Variants in CNTNAP2 observed in about 807,000 individuals in gnomAD.
The protein encoded by CNTNAP2 is contactin-associated protein-like 2.
A neutral mutation model predicts 155.2 loss-of-function variants in CNTNAP2; 98 were observed. That is an observed-to-expected ratio of 0.63 (90% CI 0.54 to 0.75). The LOEUF is 0.75. Among genes scored for constraint, CNTNAP2 ranks in the 30% least tolerant of loss-of-function variants. The probability of loss-of-function intolerance (pLI) is 0.00; values close to 1 mark genes in which losing one functional copy is unlikely to be tolerated. For missense variants in CNTNAP2, 1,727 were observed against 1,688.1 expected (o/e 1.02, Z -0.40); for synonymous variants, 651 against 631.2 (o/e 1.03, Z -0.47).
chr7:147,485,076 T>A lies in CNTNAP2; in HGVS notation c.1671-859T>A, dbSNP rs569209180. On this transcript the variant is annotated intron_variant, in intron 10 of 23. Coordinates refer to ENST00000361727, the MANE Select transcript of CNTNAP2 (RefSeq NM_014141.6). ...TTTGTGCCATTGAAACAGGGGTGTT[T>A]CAGGACAAATTTCAGCCTCACAATT... Among the ~76,000 whole-genome samples, 3 of 152,252 alleles carry A rather than the reference T, an allele frequency of 2.0e-5. No individual in the cohort carries two copies. In the East Asian group the frequency reaches 5.8e-4, roughly 29 times the overall value.
chr7:147,188,929 A>G (rs1196039135), intron 8 of CNTNAP2, among the ~76,000 whole-genome samples: 2 of 152,196 alleles, frequency 1.3e-5, no homozygotes, highest in Non-Finnish European at 2.9e-5. Context: ...AATTACCAGA[A>G]GCATTGTGTT....
chr7:147,146,221 G>C (rs1319902911), intron 8 of CNTNAP2: 2 of 152,572 alleles, frequency 1.3e-5, no homozygotes, highest in Admixed American at 6.5e-5. Flanking sequence ...GGCTCATTCT[G>C]CACTTTCTTG....
chr7:146,817,347 C>G (rs374246275), intron 2 of CNTNAP2, among the ~76,000 whole-genome samples: 11 of 152,072 alleles, frequency 7.2e-5, no homozygotes, highest in African/African-American at 2.4e-4. Flanking sequence ...TGGCACATGC[C>G]TGTAATCCCA....
chr7:147,314,366 T>A (rs910481333), intron 9 of CNTNAP2, among the ~76,000 whole-genome samples: 1 of 152,056 alleles, frequency 6.6e-6, no homozygotes, highest in African/African-American at 2.4e-5. Flanking sequence ...ATCAAAAAAA[T>A]CCCCAAGCCT....
At chr7:146,344,646 T>C (rs1158788893) in intron 1 of CNTNAP2, among the ~76,000 whole-genome samples, 1 of 152,088 alleles carries the variant, frequency 6.6e-6, no homozygotes, top group Non-Finnish European at 1.5e-5. Context: ...GCCCTGCTAA[T>C]TTTCATATTT....
At chr7:148,206,169 A>G (rs1056831604) in intron 18 of CNTNAP2, among the ~76,000 whole-genome samples, 1 of 149,444 alleles carries the variant, frequency 6.7e-6, no homozygotes, top group Non-Finnish European at 1.5e-5. Flanking sequence ...CCTGACTCCA[A>G]CTTGCTCTCA....
intron 21 of CNTNAP2, among the ~76,000 whole-genome samples, chr7:148,362,993 T>G (rs1385441278): frequency 2.0e-5 from 3 of 152,120 alleles, no homozygotes; most frequent in Admixed American, 1.3e-4. Context: ...ATGCTATTTT[T>G]TTTTTAAACG....
intron 3 of CNTNAP2, among the ~76,000 whole-genome samples, chr7:146,878,654 C>T (rs372933826): frequency 1.1e-4 from 17 of 152,072 alleles, no homozygotes; most frequent in East Asian, 5.8e-4. Flanking sequence ...AAATTGACAG[C>T]GCCTGTTTCT....
chr7:147,516,568 T>A (rs1584785192), intron 11 of CNTNAP2, among the ~76,000 whole-genome samples: 1 of 152,060 alleles, frequency 6.6e-6, no homozygotes, highest in Non-Finnish European at 1.5e-5. Context: ...TGTGCAATAG[T>A]TTTTCCCATT....
chr7:148,092,902 AC>A (rs1803876332), intron 15 of CNTNAP2, among the ~76,000 whole-genome samples: 1 of 150,076 alleles, frequency 6.7e-6, no homozygotes, highest in Non-Finnish European at 1.5e-5. Flanking sequence ...AAAAAAAACA[AC>A]CACAAAGCTT....
chr7:146,398,900 T>TA (rs1379674768), intron 1 of CNTNAP2, among the ~76,000 whole-genome samples: 3 of 151,966 alleles, frequency 2.0e-5, no homozygotes, highest in African/African-American at 4.8e-5. Flanking sequence ...TAATATTTAA[T>TA]AAAAAATATA....
intron 13 of CNTNAP2, among the ~76,000 whole-genome samples, chr7:147,883,449 T>C (rs1259857396): frequency 6.6e-6 from 1 of 152,210 alleles, no homozygotes; most frequent in Non-Finnish European, 1.5e-5. Context: ...GGAATACAAA[T>C]AAGATTATCA....
rs759596073 is a variant in CNTNAP2, at chr7:147,395,700, T to A, written c.1590T>A (p.Leu530=). 2.5e-6 allele frequency: 4 copies of A among 1,612,496 alleles called. No homozygotes were observed. In the African/African-American group the frequency reaches 5.3e-5, roughly 22 times the overall value. The change falls in exon 10 of 24, where the codon CTT becomes CTA. Residue 530 remains leucine (L), a synonymous_variant. Transcript: ENST00000361727. ...AGCTCATTCAAGTGGACGATCAACT[T>A]GTAAATTTATACGAAGTGGCACAAA... ...CMQLIQVDDQ[L]VNLYEVAQRK... is the part of the protein sequence containing the mutation.
rs563058984 is a variant in CNTNAP2 at position 148,127,321 on chromosome 7, A to G, written c.2554+9033A>G. On this transcript the variant is annotated intron_variant, in intron 16 of 23. Transcript: ENST00000361727. ...ATAAATAAATAAGATTTTAGAGGAC[A>G]TTTGTGAAGGGGATTTTTGGAGGGA... is the stretch of plus-strand genomic sequence containing the variant. Among the ~76,000 whole-genome samples the G allele has an allele frequency of 4.1e-4, 63 of 152,240 alleles. 1 individual carries two copies. Among genetic ancestry groups the G allele is most frequent in the African/African-American group, 1.4e-3 (60 of 41,554 alleles).
intron 1 of CNTNAP2, among the ~76,000 whole-genome samples, chr7:146,335,235 A>C (rs1344702808): frequency 1.3e-5 from 2 of 152,194 alleles, no homozygotes; most frequent in Non-Finnish European, 2.9e-5. Context: ...TGTGGTCAAC[A>C]TCTTGAATGT....
intron 1 of CNTNAP2, among the ~76,000 whole-genome samples, chr7:146,507,630 G>A (rs1322153888): frequency 2.6e-5 from 4 of 152,216 alleles, no homozygotes; most frequent in South Asian, 2.1e-4. Context: ...TATGGCGTTC[G>A]TCTTACCCAA....
chr7:146,913,995 A>G (rs1796342642), intron 3 of CNTNAP2, among the ~76,000 whole-genome samples: 1 of 152,068 alleles, frequency 6.6e-6, no homozygotes, highest in Admixed American at 6.6e-5. Flanking sequence ...ATGAGTGAGA[A>G]CATACGATAT....
intron 5 of CNTNAP2, among the ~76,000 whole-genome samples, chr7:147,112,256 G>A (rs1304281524): frequency 3.9e-5 from 6 of 151,948 alleles, no homozygotes; most frequent in East Asian, 1.9e-4. Context: ...GTTGCTTATC[G>A]GCTTAAGAAT....
chr7:148,134,636 C>A (rs149570832), intron 16 of CNTNAP2, among the ~76,000 whole-genome samples: 3 of 152,000 alleles, frequency 2.0e-5, no homozygotes, highest in African/African-American at 7.3e-5. Flanking sequence ...TAAATAAAAT[C>A]GTATACAATA....
Sources: allele counts gnomAD v4.1 joint callset (sites outside exome capture counted in the v4.1 genomes callset), GRCh38; gene constraint gnomAD v4.1.1; transcripts MANE v1.5; gene names NCBI Gene and HGNC (gene_info 2026-07-23, HGNC 2026-07-21).